RNF44: variants seen among roughly 807,000 people sequenced by gnomAD.
RNF44 encodes the protein ring finger protein 44.
Under a neutral mutation model 53.6 loss-of-function variants are expected in RNF44, and 25 were observed. The ratio of observed to expected loss-of-function variants is 0.47; its 90% CI spans 0.34 to 0.65. The LOEUF (loss-of-function observed/expected upper bound fraction) is 0.65, where lower values mean the gene tolerates loss of function less well. Ranked by LOEUF, RNF44 falls within the 30% of genes least tolerant of loss-of-function variation. The probability of loss-of-function intolerance (pLI) is 0.01; values close to 1 mark genes in which losing one functional copy is unlikely to be tolerated. For synonymous variants in RNF44, 282 were observed against 252.2 expected (o/e 1.12, Z -1.12); for missense variants, 581 against 595.5 (o/e 0.98, Z 0.25).
chr5:176,528,685 G>T lies in RNF44; in HGVS notation c.*343C>A. 10 of 354,974 alleles carry T rather than the reference G, an allele frequency of 2.8e-5. No homozygotes were observed. Among genetic ancestry groups the T allele is most frequent in the South Asian group, 1.3e-4 (3 of 23,396 alleles). The allele number at this position is 354,974 out of a possible 1,614,324, so 22.0% of individuals were successfully genotyped here. The stretch of plus-strand genomic sequence containing the variant: ...TCTGTCTGCCCATCCTGGGGCCAAG[G>T]ATCTCCACCGGCCCCACTGAGGGAG... On this transcript the variant is annotated 3_prime_UTR_variant, in exon 11 of 11. Coordinates refer to ENST00000274811, the MANE Select transcript of RNF44 (RefSeq NM_014901.5).
Position 176,531,047 on chromosome 5 carries a change from G to C in RNF44, c.466-26C>G. 1 of 1,434,342 alleles carries C rather than the reference G, an allele frequency of 7.0e-7. No homozygotes were observed. Among genetic ancestry groups the C allele is most frequent in the Non-Finnish European group, 9.1e-7 (1 of 1,095,176 alleles). 88.9% of individuals were successfully genotyped at this position (1,434,342 alleles called of 1,614,324 possible). A position where few individuals can be genotyped will look rare whatever the true frequency, so the allele number is the denominator to read the frequency against. ...CTGCCAAGAGAGGGGGCAGGGGGCTGAGAACGTTCTCCTGGGCTCTGGGCC... is the reference window on the plus strand; with the variant it reads ...CTGCCAAGAGAGGGGGCAGGGGGCTCAGAACGTTCTCCTGGGCTCTGGGCC... On this transcript the variant is annotated intron_variant, in intron 4 of 10. Transcript: ENST00000274811. This position sits in a 1 kb window ranked among gnomAD's most constrained non-coding sequence, Gnocchi z 4.2.
chr5:176,534,264 A>T (rs2113165764), intron 1 of RNF44, among the ~76,000 whole-genome samples: 1 of 152,360 alleles, frequency 6.6e-6, no homozygotes, highest in Non-Finnish European at 1.5e-5. Context: ...TTGGGAGATT[A>T]CAAAACACCT....
chr5:176,529,774 C>T lies in RNF44; in HGVS notation c.971G>A (p.Ser324Asn). ...MSPTAMGPTI[S>N]LDLDVDDVEM... Reference sequence around the variant, plus strand: ...CACATCATCCACGTCCAGGTCCAGGCTGATGGTGGGCCCCATTGCTGTTGG... The same window carrying T: ...CACATCATCCACGTCCAGGTCCAGGTTGATGGTGGGCCCCATTGCTGTTGG... The change falls in exon 8 of 11, where the codon AGC becomes AAC. Residue 324 changes from serine to asparagine, a missense_variant. Transcript: ENST00000274811. 1.2e-6 allele frequency: 2 copies of T among 1,611,802 alleles called. No individual in the cohort carries two copies. The highest frequency in any genetic ancestry group is 4.5e-5 in the East Asian group (2 of 44,848).
In RNF44 at chr5:176,531,075, G is replaced by C; in HGVS notation, c.466-54C>G. On this transcript the variant is annotated intron_variant, in intron 4 of 10. Coordinates refer to ENST00000274811, the MANE Select transcript of RNF44 (RefSeq NM_014901.5). The surrounding 1 kb of genome is among the most constrained non-coding windows in gnomAD (Gnocchi z 4.2). Reference sequence around the variant, plus strand: ...AACGTTCTCCTGGGCTCTGGGCCAGGTCTACGCCATGCCACCCAGCAAAAG... The same window carrying C: ...AACGTTCTCCTGGGCTCTGGGCCAGCTCTACGCCATGCCACCCAGCAAAAG... 1 of 1,333,358 alleles carries C rather than the reference G, an allele frequency of 7.5e-7. No individual in the cohort carries two copies. The highest frequency in any genetic ancestry group is 9.9e-7 in the Non-Finnish European group (1 of 1,010,002). 82.6% of individuals were successfully genotyped at this position (1,333,358 alleles called of 1,614,324 possible). A position where few individuals can be genotyped will look rare whatever the true frequency, so the allele number is the denominator to read the frequency against.
chr5:176,536,985 G>A lies in RNF44; in HGVS notation c.-90C>T, dbSNP rs1757253265. On this transcript the variant is annotated 5_prime_UTR_variant, in exon 1 of 11. Transcript: ENST00000274811. ...GTTGACTCCTTTGTTCCCGATCTAG[G>A]ACGGCCAAACTGGGCAGGGGGCGGG... 1 of 135,954 alleles carries A rather than the reference G, an allele frequency of 7.4e-6. No individual in the cohort carries two copies. The highest frequency in any genetic ancestry group is 2.8e-4 in the South Asian group (1 of 3,554). 8.4% of individuals were successfully genotyped at this position (135,954 alleles called of 1,614,324 possible). A position where few individuals can be genotyped will look rare whatever the true frequency, so the allele number is the denominator to read the frequency against.
In RNF44 at chr5:176,527,460, G is replaced by A. The variant is rs1756128771; in HGVS notation, c.*1568C>T. On this transcript the variant is annotated 3_prime_UTR_variant, in exon 11 of 11. Coordinates refer to ENST00000274811, the MANE Select transcript of RNF44 (RefSeq NM_014901.5). ...GGTCGGGAAGGGAGGGGTTGGAGAG[G>A]GTGGTTCTGTGTAAAACACGTGGGT... 1 of 152,538 alleles carries A rather than the reference G, an allele frequency of 6.6e-6. No individual in the cohort carries two copies. The highest frequency in any genetic ancestry group is 2.1e-4 in the South Asian group (1 of 4,830). 9.4% of individuals were successfully genotyped at this position (152,538 alleles called of 1,614,324 possible). A position where few individuals can be genotyped will look rare whatever the true frequency, so the allele number is the denominator to read the frequency against.
At chr5:176,530,457 G>A in intron 6 of RNF44, 125 bp downstream of exon 6, 2 of 1,151,210 alleles carry the variant, frequency 1.7e-6, no homozygotes, top group East Asian at 3.2e-5. Flanking sequence ...CCGCCCCGGA[G>A]CCCACGTGCA....
Position 176,529,552 on chromosome 5 carries a change from G to A in RNF44, c.1107C>T (p.Asn369=). Residue 369 remains asparagine, a synonymous_variant, in exon 9 of 11, where the codon AAC becomes AAT. Transcript: ENST00000274811. Reference sequence around the variant, plus strand: ...TCTGCTCCGACTGATGGCTGTCCGGGTTAAAGCGGTACGACGGGAGCTGCT... The same window carrying A: ...TCTGCTCCGACTGATGGCTGTCCGGATTAAAGCGGTACGACGGGAGCTGCT... ...DIEQLPSYRF[N]PDSHQSEQTL... is the part of the protein sequence containing the mutation. 2 of 1,614,066 alleles carry A rather than the reference G, an allele frequency of 1.2e-6. No individual in the cohort carries two copies. The highest frequency in any genetic ancestry group is 1.7e-6 in the Non-Finnish European group (2 of 1,180,014).
At chr5:176,541,104 G>A (rs1193779847), upstream of RNF44, among the ~76,000 whole-genome samples, 1 of 152,158 alleles carries the variant, frequency 6.6e-6, no homozygotes, top group Non-Finnish European at 1.5e-5. Flanking sequence ...GCCATGGAGG[G>A]GCAGACCCTC....
In RNF44 at chr5:176,530,081, C is replaced by T; in HGVS notation, c.926+1G>A. ...CCTGGGGCGGATGTGCGGATACTTA[C>T]AGGAAGTAGGGCAGGAAGCTGGGGT... On this transcript the variant is annotated splice_donor_variant, in intron 7 of 10. Coordinates refer to ENST00000274811, the MANE Select transcript of RNF44 (RefSeq NM_014901.5). LOFTEE classifies it high-confidence loss of function. The T allele has an allele frequency of 9.0e-7, 1 of 1,115,630 alleles. No homozygotes were observed. Among genetic ancestry groups the T allele is most frequent in the Non-Finnish European group, 1.1e-6 (1 of 907,506 alleles). The allele number at this position is 1,115,630 out of a possible 1,614,324, so 69.1% of individuals were successfully genotyped here.
chr5:176,543,137 G>A, the RNF44 span, among the ~76,000 whole-genome samples: 1 of 151,072 alleles, frequency 6.6e-6, no homozygotes, highest in African/African-American at 2.4e-5. This position sits in a 1 kb window ranked among gnomAD's most constrained non-coding sequence, Gnocchi z 4.0. Flanking sequence ...TGCGGGCGCC[G>A]GCAGAGGCCT....
In RNF44 at chr5:176,529,585, T is replaced by C; in HGVS notation, c.1074A>G (p.Ala358=). 6.2e-7 allele frequency: 1 copy of C among 1,614,024 alleles called. No individual in the cohort carries two copies. The highest frequency in any genetic ancestry group is 1.1e-5 in the South Asian group (1 of 91,092). ...GGTACGACGGGAGCTGCTCTATGTC[T>C]GCTTTGGTGAGACCCCGGGGCTTGG... ...GDAKPRGLTK[A]DIEQLPSYRF... Residue 358 remains alanine, a synonymous_variant, in exon 9 of 11, where the codon GCA becomes GCG. Coordinates refer to ENST00000274811, the MANE Select transcript of RNF44 (RefSeq NM_014901.5).
intron 1 of RNF44, chr5:176,536,105 G>C (rs1014108420): frequency 1.3e-5 from 2 of 152,198 alleles, no homozygotes; most frequent in Admixed American, 1.3e-4. Flanking sequence ...CAGCCAGGAA[G>C]AGAAGCCCCC....
chr5:176,529,964 G>C, intron 7 of RNF44, 118 bp downstream of exon 7: 1 of 1,396,090 alleles, frequency 7.2e-7, no homozygotes, highest in Non-Finnish European at 9.6e-7. Context: ...AGGTTAAGGG[G>C]GGAACGCCAG....
Position 176,530,948 on chromosome 5 carries a change from T to C in RNF44, c.539A>G (p.His180Arg), listed in dbSNP as rs1035214240. The C allele has an allele frequency of 1.4e-6, 2 of 1,453,346 alleles. No individual in the cohort carries two copies. Among genetic ancestry groups the C allele is most frequent in the Non-Finnish European group, 1.8e-6 (2 of 1,103,440 alleles). 90.0% of individuals were successfully genotyped at this position (1,453,346 alleles called of 1,614,324 possible). A position where few individuals can be genotyped will look rare whatever the true frequency, so the allele number is the denominator to read the frequency against. The change falls in exon 5 of 11, where the codon CAC (histidine) becomes CGC (arginine). Residue 180 changes from histidine (H) to arginine (R), a missense_variant. Physicochemically the swap from His to Arg is conservative, Grantham distance 29 (BLOSUM62 0). This residue lies in a region of RNF44 where 387 missense variants were observed against 366.0 expected (regional missense o/e 1.06). Transcript: ENST00000274811. ...CGGTGGTGGGGGGTGCAGGATGTAG[T>C]GGTCACTGGAGATGAGGTGGGGGTA... ...QAYPHLISSD[H>R]YILHPPPPAP...
In RNF44 at chr5:176,531,437, AG is replaced by A. The variant is rs1193174588; in HGVS notation, c.465+25del. 2 of 1,540,478 alleles carry A rather than the reference AG, an allele frequency of 1.3e-6. No individual in the cohort carries two copies. Among genetic ancestry groups the A allele is most frequent in the Non-Finnish European group, 1.8e-6 (2 of 1,142,698 alleles). ...TGTGCCTGGGGCTTGCAGCTGGTGGAGGAGGAGCTAGAAACACTCACTCACC... is the reference window on the plus strand; with the variant it reads ...TGTGCCTGGGGCTTGCAGCTGGTGGAGAGGAGCTAGAAACACTCACTCACC... On this transcript the variant is annotated intron_variant, in intron 4 of 10. Coordinates refer to ENST00000274811, the MANE Select transcript of RNF44 (RefSeq NM_014901.5). The surrounding 1 kb of genome is among the most constrained non-coding windows in gnomAD (Gnocchi z 4.2).
upstream of RNF44, chr5:176,537,941 C>G (rs536635257): frequency 4.6e-5 from 7 of 152,282 alleles, no homozygotes; most frequent in East Asian, 1.2e-3. Flanking sequence ...CTTGTTTATA[C>G]TACACGGCGT....
At position 176,531,648 on chromosome 5, in the gene RNF44, G is replaced by T. The variant is rs146516687; in HGVS notation, c.298-18C>A. 3 of 1,590,870 alleles carry T rather than the reference G, an allele frequency of 1.9e-6. No homozygotes were observed. The highest frequency in any genetic ancestry group is 2.6e-6 in the Non-Finnish European group (3 of 1,166,172). On this transcript the variant is annotated intron_variant, in intron 3 of 10. Coordinates refer to ENST00000274811, the MANE Select transcript of RNF44 (RefSeq NM_014901.5). This position sits in a 1 kb window ranked among gnomAD's most constrained non-coding sequence, Gnocchi z 4.2. ...TGGTGCACCTGTGGGTGGAGAGAAC[G>T]CCGGGAAAGTATGAAAAGGAAGCTG... is the stretch of plus-strand genomic sequence containing the variant.
In RNF44 at chr5:176,530,930, G is replaced by C; in HGVS notation, c.557C>G (p.Pro186Arg). ...GGGCTGGGGGGGTGGGGCCGGTGGTGGGGGGTGCAGGATGTAGTGGTCACT... is the reference window on the plus strand; with the variant it reads ...GGGCTGGGGGGGTGGGGCCGGTGGTCGGGGGTGCAGGATGTAGTGGTCACT... ...ISSDHYILHP[P>R]PPAPPPQPTH... Residue 186 changes from proline to arginine, a missense_variant, in exon 5 of 11, where the codon CCA becomes CGA. Pro to Arg is a moderately radical substitution (Grantham distance 103). Around this residue, in one of 3 missense-constraint regions of RNF44, gnomAD observed 387 missense variants for 366.0 expected, o/e 1.06. Transcript: ENST00000274811. 1 of 1,427,648 alleles carries C rather than the reference G, an allele frequency of 7.0e-7. No homozygotes were observed. The highest frequency in any genetic ancestry group is 9.2e-7 in the Non-Finnish European group (1 of 1,081,358). The allele number at this position is 1,427,648 out of a possible 1,614,324, so 88.4% of individuals were successfully genotyped here. A position where few individuals can be genotyped will look rare whatever the true frequency, so the allele number is the denominator to read the frequency against.
Sources: allele counts gnomAD v4.1 joint callset (sites outside exome capture counted in the v4.1 genomes callset), GRCh38; gene constraint gnomAD v4.1.1; regional missense constraint gnomAD v4.1.1; non-coding constraint Gnocchi (gnomAD v3.1); transcripts MANE v1.5; gene names NCBI Gene and HGNC (gene_info 2026-07-23, HGNC 2026-07-21).